HNF1B: variants seen among roughly 807,000 people sequenced by gnomAD.
The protein encoded by HNF1B is HNF1 homeobox B, also known as hepatocyte nuclear factor 1-beta.
A neutral mutation model predicts 61.7 loss-of-function variants in HNF1B; 8 were observed. The observed-to-expected ratio is 0.13, with a 90% CI of 0.08 to 0.23. The LOEUF (loss-of-function observed/expected upper bound fraction) is 0.23. Among genes scored for constraint, HNF1B ranks in the 10% least tolerant of loss-of-function variants. HNF1B has a pLI of 1.00. For missense variants in HNF1B, 562 were observed against 714.5 expected (o/e 0.79, Z 2.43); for synonymous variants, 314 against 287.7 (o/e 1.09, Z -0.93).
chr17:37,709,406 T>C (rs1352157761), intron 5 of HNF1B, among the ~76,000 whole-genome samples: 1 of 151,656 alleles, frequency 6.6e-6, no homozygotes, highest in Non-Finnish European at 1.5e-5. Context: ...CATGCCACCA[T>C]TCCTGGCTAA....
chr17:37,689,708 A>T (rs2032125889), intron 8 of HNF1B, among the ~76,000 whole-genome samples: 1 of 152,218 alleles, frequency 6.6e-6, no homozygotes, highest in Non-Finnish European at 1.5e-5. Flanking sequence ...TGTGAAGGAC[A>T]TCCTTATTCT....
Position 37,694,844 on chromosome 17 carries a change from C to A in HNF1B, c.1653+4232G>T, listed in dbSNP as rs75309504. Among the ~76,000 whole-genome samples, 414 of 152,190 alleles carry A rather than the reference C, an allele frequency of 2.7e-3. 19 individuals carry two copies. The East Asian group carries it at 0.073, about 27-fold the overall frequency. On this transcript the variant is annotated intron_variant, in intron 8 of 8. Transcript: ENST00000617811. ...GATGTGGCCTGGCTGCTTCTAACAA[C>A]CCACAGTAGCTACGGAAGCAAAGGA...
chr17:37,696,876 G>A (rs1336226603), intron 8 of HNF1B, among the ~76,000 whole-genome samples: 1 of 152,184 alleles, frequency 6.6e-6, no homozygotes, highest in Non-Finnish European at 1.5e-5. Flanking sequence ...CTGTCAGGAG[G>A]CAGCACCTTT....
intron 5 of HNF1B, among the ~76,000 whole-genome samples, chr17:37,705,995 G>A (rs1268555898): frequency 6.6e-6 from 1 of 152,142 alleles, no homozygotes; most frequent in East Asian, 1.9e-4. Context: ...GTCCAGCTCT[G>A]TTGCCCAGGC....
In HNF1B at chr17:37,726,136, C is replaced by CTGTGTGTGTGTGTG. The variant is rs60311199; in HGVS notation, c.1045+5445_1045+5458dup. On this transcript the variant is annotated intron_variant, in intron 4 of 8. Coordinates refer to ENST00000617811, the MANE Select transcript of HNF1B (RefSeq NM_000458.4). ...ATGTGGGAAAAGGAACTGCTGGGGG[C>CTGTGTGTGTGTGTG]TGTGTGTGTGTGTGTGTGTGTCTTT... Among the ~76,000 whole-genome samples the CTGTGTGTGTGTGTG allele has an allele frequency of 3.5e-3, 531 of 150,452 alleles. 4 individuals carry two copies. Among genetic ancestry groups the CTGTGTGTGTGTGTG allele is most frequent in the East Asian group, 0.029 (147 of 5,054 alleles).
chr17:37,700,873 A>C (rs2032542984), intron 7 of HNF1B, 110 bp downstream of exon 7: 1 of 1,005,970 alleles, frequency 9.9e-7, no homozygotes, highest in African/African-American at 1.6e-5. Flanking sequence ...ATAGGCAGGG[A>C]AAAGTGACCA....
chr17:37,709,073 G>A (rs1402989099), intron 5 of HNF1B, among the ~76,000 whole-genome samples: 1 of 152,140 alleles, frequency 6.6e-6, no homozygotes, highest in East Asian at 1.9e-4. Flanking sequence ...GGGAATCTGC[G>A]GCTCCTCCCT....
chr17:37,696,410 C>T (rs961798342), intron 8 of HNF1B, among the ~76,000 whole-genome samples: 18 of 152,228 alleles, frequency 1.2e-4, no homozygotes, highest in African/African-American at 4.1e-4. Context: ...GCACTCCAGC[C>T]TGGGTGACAG....
chr17:37,732,456 G>C (rs2033716283), intron 3 of HNF1B, among the ~76,000 whole-genome samples: 1 of 152,214 alleles, frequency 6.6e-6, no homozygotes, highest in Non-Finnish European at 1.5e-5. Context: ...GGGGTATGGA[G>C]CACAGCCTGA....
chr17:37,744,874 T>G lies in HNF1B; in HGVS notation c.11A>C (p.Lys4Thr), dbSNP rs768909646. The stretch of plus-strand genomic sequence containing the variant: ...GAGTTCTTGCTGGAGCGACGTGAGC[T>G]TGGACACCATTTTCCAAGGACGGAA... MVS[K>T]LTSLQQELLS... Residue 4 changes from lysine (K) to threonine (T), a missense_variant, in exon 1 of 9, where the codon AAG becomes ACG. Physicochemically the swap from Lys to Thr is moderately conservative, Grantham distance 78. Around this residue, in one of 6 missense-constraint regions of HNF1B, gnomAD observed 148 missense variants for 147.3 expected, o/e 1.00. Transcript: ENST00000617811. 3.1e-6 allele frequency: 5 copies of G among 1,611,622 alleles called. No homozygotes were observed. The highest frequency in any genetic ancestry group is 4.2e-6 in the Non-Finnish European group (5 of 1,179,742).
Position 37,734,746 on chromosome 17 carries a change from T to C in HNF1B, c.545-925A>G, listed in dbSNP as rs372597560. ...CTGCTGAGCAAAGACACGTAATACA[T>C]TCATCTCCTAGCTCTGGGTCCCTAT... On this transcript the variant is annotated intron_variant, in intron 2 of 8. Coordinates refer to ENST00000617811, the MANE Select transcript of HNF1B (RefSeq NM_000458.4). 1.8e-4 allele frequency among the ~76,000 whole-genome samples: 27 copies of C among 152,224 alleles called. 1 individual carries two copies. In the East Asian group the frequency reaches 4.6e-3, roughly 26 times the overall value.
chr17:37,737,112 T>C (rs2033854662), intron 2 of HNF1B, among the ~76,000 whole-genome samples: 1 of 152,202 alleles, frequency 6.6e-6, no homozygotes, highest in African/African-American at 2.4e-5. Flanking sequence ...CCAGGAAATT[T>C]GTAATCATGT....
At chr17:37,708,251 A>T (rs1049629522) in intron 5 of HNF1B, among the ~76,000 whole-genome samples, 9 of 152,224 alleles carry the variant, frequency 5.9e-5, no homozygotes, top group Non-Finnish European at 4.4e-5. Flanking sequence ...AGACTCTTGA[A>T]TTTGGACCTC....
chr17:37,690,823 C>T (rs1387287754), intron 8 of HNF1B, among the ~76,000 whole-genome samples: 1 of 152,246 alleles, frequency 6.6e-6, no homozygotes, highest in East Asian at 1.9e-4. Context: ...GCGTCTGTCC[C>T]TGCCGAAGCA....
At chr17:37,701,274 C>A (rs77297671) in intron 6 of HNF1B, 97 bp from the exon 7 acceptor site, 1 of 1,189,670 alleles carries the variant, frequency 8.4e-7, no homozygotes, top group Admixed American at 2.0e-5. Flanking sequence ...TCCCAGTCAC[C>A]GGGCTGAGCC....
chr17:37,731,284 G>A (rs2033672969), intron 4 of HNF1B: 3 of 522,966 alleles, frequency 5.7e-6, no homozygotes, highest in Non-Finnish European at 1.0e-5. Flanking sequence ...CCATAAGGCA[G>A]CCTCCTCAGT....
At chr17:37,702,023 C>G (rs2032588617) in intron 6 of HNF1B, among the ~76,000 whole-genome samples, 1 of 152,154 alleles carries the variant, frequency 6.6e-6, no homozygotes, top group African/African-American at 2.4e-5. Context: ...GCTCTATCTC[C>G]TCCCTGAGAG....
intron 4 of HNF1B, chr17:37,730,680 T>C (rs1477684090): frequency 3.3e-5 from 5 of 150,896 alleles, no homozygotes; most frequent in East Asian, 1.9e-4. Context: ...GAATCACCCC[T>C]GAGTTAGAAA....
intron 2 of HNF1B, among the ~76,000 whole-genome samples, chr17:37,736,521 G>A (rs773111611): frequency 1.3e-4 from 20 of 152,140 alleles, no homozygotes; most frequent in Non-Finnish European, 1.5e-4. Context: ...CAGGAGCCTG[G>A]ACACGAGCCC....
Sources: gnomAD v4.1 joint callset for allele counts (sites outside exome capture counted in the v4.1 genomes callset) on GRCh38, gnomAD v4.1.1 for gene constraint, gnomAD v4.1.1 regional missense constraint, MANE v1.5 for transcripts, NCBI Gene and HGNC (gene_info 2026-07-23, HGNC 2026-07-21) for gene names.